The following PRKCE variants were observed in gnomAD, a reference collection of about 807,000 sequenced individuals.
PRKCE encodes protein kinase C epsilon.
PRKCE carries 16 observed loss-of-function variants against 85.4 expected under a neutral mutation model. The observed-to-expected ratio is 0.19, with a 90% CI of 0.13 to 0.28. The LOEUF (loss-of-function observed/expected upper bound fraction) is 0.28. Ranked by LOEUF, PRKCE falls within the 10% of genes least tolerant of loss-of-function variation. PRKCE has a pLI of 1.00. For missense variants in PRKCE, 573 were observed against 975.2 expected, an observed-to-expected ratio of 0.59 and a Z score of 5.49; for synonymous variants, 388 against 371.5, an observed-to-expected ratio of 1.04 and a Z score of -0.51.
At chr2:45,784,888 T>A (rs1686474960) in intron 1 of PRKCE, among the ~76,000 whole-genome samples, 1 of 152,240 alleles carries the variant, frequency 6.6e-6, no homozygotes. Context: ...TATTGGAGTA[T>A]ATGTGATTTG....
At chr2:45,957,737 C>T (rs1701067307) in intron 2 of PRKCE, among the ~76,000 whole-genome samples, 1 of 151,744 alleles carries the variant, frequency 6.6e-6, no homozygotes, top group African/African-American at 2.4e-5. Context: ...ATAGCAAGAC[C>T]CCACCTCTGT....
chr2:45,689,392 C>G (rs1213125541), intron 1 of PRKCE, among the ~76,000 whole-genome samples: 1 of 152,130 alleles, frequency 6.6e-6, no homozygotes, highest in Non-Finnish European at 1.5e-5. Flanking sequence ...TCCGGCCTCC[C>G]ACGACCCCCA....
chr2:45,811,458 TAAA>T (rs768400238), intron 1 of PRKCE, among the ~76,000 whole-genome samples: 5 of 152,238 alleles, frequency 3.3e-5, no homozygotes, highest in Non-Finnish European at 7.3e-5. Flanking sequence ...AGATTCTTAT[TAAA>T]GGAATAATAG....
rs59536881 is a variant in PRKCE at position 45,985,765 on chromosome 2, T to C, written c.823+1085T>C. On this transcript the variant is annotated intron_variant, in intron 6 of 14. Transcript: ENST00000306156. Reference sequence around the variant, plus strand: ...GTGATAGCATTCACTGAGATGGGGATACAAGAGGGAGGATAAGGTTGGAGG... The same window carrying C: ...GTGATAGCATTCACTGAGATGGGGACACAAGAGGGAGGATAAGGTTGGAGG... Among the ~76,000 whole-genome samples the C allele has an allele frequency of 6.9e-3, 1,046 of 152,188 alleles. 12 individuals are homozygous for C. Among genetic ancestry groups the C allele is most frequent in the African/African-American group, 0.024 (992 of 41,528 alleles).
intron 11 of PRKCE, among the ~76,000 whole-genome samples, chr2:46,093,235 A>G (rs1670350005): frequency 6.6e-6 from 1 of 152,222 alleles, no homozygotes; most frequent in South Asian, 2.1e-4. Flanking sequence ...TGGAGACTGC[A>G]TAATCCATCT....
At position 46,145,370 on chromosome 2, in the gene PRKCE, A is replaced by G; in HGVS notation, c.1731+139A>G. 8.2e-7 allele frequency: 1 copy of G among 1,220,870 alleles called. No homozygotes were observed. The highest frequency in any genetic ancestry group is 1.1e-6 in the Non-Finnish European group (1 of 879,746). The allele number at this position is 1,220,870 out of a possible 1,614,324, so 75.6% of individuals were successfully genotyped here. A position where few individuals can be genotyped will look rare whatever the true frequency, so the allele number is the denominator to read the frequency against. On this transcript the variant is annotated intron_variant, in intron 12 of 14. Coordinates refer to ENST00000306156, the MANE Select transcript of PRKCE (RefSeq NM_005400.3). The surrounding 1 kb of genome is among the most constrained non-coding windows in gnomAD (Gnocchi z 4.6). Reference sequence around the variant, plus strand: ...GATGGATTCTAGGAAGGAGGGAGAAAAGGAAAGGAAAAAAGTTTGCTGATT... The same window carrying G: ...GATGGATTCTAGGAAGGAGGGAGAAGAGGAAAGGAAAAAAGTTTGCTGATT...
chr2:45,824,386 A>G (rs1055866873), intron 1 of PRKCE, among the ~76,000 whole-genome samples: 9 of 152,152 alleles, frequency 5.9e-5, no homozygotes, highest in African/African-American at 2.2e-4. Flanking sequence ...ACCACCTGCT[A>G]TATCCACACA....
rs150730843 is a variant in PRKCE, at chr2:45,736,508, G to A, written c.348+84060G>A. On this transcript the variant is annotated intron_variant, in intron 1 of 14. Coordinates refer to ENST00000306156, the MANE Select transcript of PRKCE (RefSeq NM_005400.3). ...AATCAGTCTATTAGGCAAATTAGAC[G>A]TGGAGCAGTCACCTCTTCCAGGAAG... Among the ~76,000 whole-genome samples the A allele has an allele frequency of 3.9e-5, 6 of 152,178 alleles. No homozygotes were observed. The East Asian group carries it at 9.6e-4, about 24-fold the overall frequency.
chr2:46,085,912 T>A (rs1449675528), intron 10 of PRKCE, among the ~76,000 whole-genome samples: 1 of 152,238 alleles, frequency 6.6e-6, no homozygotes, highest in African/African-American at 2.4e-5. Context: ...CACTTCCAGA[T>A]GACAACAAAA....
intron 1 of PRKCE, among the ~76,000 whole-genome samples, chr2:45,829,320 C>G (rs1690209375): frequency 6.6e-6 from 1 of 152,196 alleles, no homozygotes; most frequent in South Asian, 2.1e-4. Context: ...TCCCCATTCT[C>G]ATAAGTACTG....
chr2:45,984,796 T>C (rs2595213), intron 6 of PRKCE, 116 bp downstream of exon 6: 1,116,037 of 1,413,356 alleles, frequency 0.79, 443,815 homozygotes, highest in East Asian at 0.98. Context: ...AAGAACTGAG[T>C]GCAAGCCTTT....
chr2:46,051,957 A>G (rs908355105), intron 10 of PRKCE, among the ~76,000 whole-genome samples: 1 of 152,160 alleles, frequency 6.6e-6, no homozygotes, highest in Non-Finnish European at 1.5e-5. Flanking sequence ...CACTATCACA[A>G]GAACAGCATG....
intron 2 of PRKCE, among the ~76,000 whole-genome samples, chr2:45,974,756 C>T (rs1260219471): frequency 6.6e-6 from 1 of 152,194 alleles, no homozygotes; most frequent in Non-Finnish European, 1.5e-5. Context: ...AATGCTTCTT[C>T]CCCTGAAGAC....
intron 11 of PRKCE, among the ~76,000 whole-genome samples, chr2:46,128,139 C>T (rs1037005211): frequency 1.3e-5 from 2 of 152,230 alleles, no homozygotes; most frequent in Non-Finnish European, 2.9e-5. Context: ...TCTTTCTATT[C>T]CTTACCTGGT....
At chr2:46,132,684 G>A (rs574885176) in intron 11 of PRKCE, among the ~76,000 whole-genome samples, 1 of 152,180 alleles carries the variant, frequency 6.6e-6, no homozygotes, top group East Asian at 1.9e-4. Context: ...CTTCTTATTG[G>A]CATATATGCA....
chr2:45,783,228 C>T (rs1686335354), intron 1 of PRKCE, among the ~76,000 whole-genome samples: 1 of 152,192 alleles, frequency 6.6e-6, no homozygotes, highest in African/African-American at 2.4e-5. Flanking sequence ...TCAAAACTCC[C>T]TTTGTTCCCT....
chr2:46,062,829 A>C (rs907116261), intron 10 of PRKCE, among the ~76,000 whole-genome samples: 1 of 151,984 alleles, frequency 6.6e-6, no homozygotes, highest in African/African-American at 2.4e-5. Flanking sequence ...TTGTTTCGCT[A>C]TGTTGGCCAG....
chr2:46,171,802 A>T (rs1479410465), intron 14 of PRKCE, among the ~76,000 whole-genome samples: 1 of 152,066 alleles, frequency 6.6e-6, no homozygotes, highest in Non-Finnish European at 1.5e-5. Context: ...CCAGGCACTG[A>T]GCTGGTGCTA....
Position 45,907,202 on chromosome 2 carries a change from A to C in PRKCE, c.412+64139A>C, listed in dbSNP as rs915380945. On this transcript the variant is annotated intron_variant, in intron 2 of 14. Coordinates refer to ENST00000306156, the MANE Select transcript of PRKCE (RefSeq NM_005400.3). The surrounding 1 kb of genome is among the most constrained non-coding windows in gnomAD (Gnocchi z 4.5). Reference sequence around the variant, plus strand: ...AAAGAAAGCCCGAGAGAAGAGAAAAATGAAGCTTTAACTATCACAGAGCAT... The same window carrying C: ...AAAGAAAGCCCGAGAGAAGAGAAAACTGAAGCTTTAACTATCACAGAGCAT... 3.9e-5 allele frequency among the ~76,000 whole-genome samples: 6 copies of C among 152,262 alleles called. No individual in the cohort carries two copies. The highest frequency in any genetic ancestry group is 1.4e-4 in the African/African-American group (6 of 41,472).
Sources: allele counts gnomAD v4.1 joint callset (sites outside exome capture counted in the v4.1 genomes callset), GRCh38; gene constraint gnomAD v4.1.1; non-coding constraint Gnocchi (gnomAD v3.1); transcripts MANE v1.5; gene names NCBI Gene and HGNC (gene_info 2026-07-23, HGNC 2026-07-21).